The following UQCC1 variants were observed in gnomAD, a reference collection of about 807,000 sequenced individuals.
The protein encoded by UQCC1 is ubiquinol-cytochrome c reductase complex assembly factor 1.
In UQCC1, 38 loss-of-function variants were observed where a neutral mutation model predicts 48.0. The observed-to-expected ratio is 0.79, with a 90% CI of 0.61 to 1.04. UQCC1 has a LOEUF of 1.04. UQCC1 is among the 50% of genes least tolerant of loss of function. The pLI is 0.00. For missense variants in UQCC1, 368 were observed against 381.8 expected (o/e 0.96, Z 0.30); for synonymous variants, 111 against 129.2 (o/e 0.86, Z 0.95).
At chr20:35,341,560 A>AC (rs1421065489) in intron 7 of UQCC1, among the ~76,000 whole-genome samples, 1 of 152,236 alleles carries the variant, frequency 6.6e-6, no homozygotes, top group African/African-American at 2.4e-5. Flanking sequence ...CACTTTGGAG[A>AC]CAGATGTACG....
chr20:35,339,541 C>G (rs1369312338), intron 7 of UQCC1, among the ~76,000 whole-genome samples: 9 of 152,136 alleles, frequency 5.9e-5, no homozygotes, highest in Non-Finnish European at 1.2e-4. Context: ...GAAAGTCTGG[C>G]ATGAGAAGAA....
intron 7 of UQCC1, among the ~76,000 whole-genome samples, chr20:35,339,283 G>T (rs1445804663): frequency 6.6e-6 from 1 of 152,114 alleles, no homozygotes; most frequent in Non-Finnish European, 1.5e-5. Context: ...AGAAATCCAA[G>T]AATCCTTATC....
chr20:35,387,767 T>C (rs1472314802), intron 2 of UQCC1, among the ~76,000 whole-genome samples: 1 of 151,342 alleles, frequency 6.6e-6, no homozygotes, highest in African/African-American at 2.4e-5. Context: ...AAGGGAGAGG[T>C]TGCAATTTGG....
intron 3 of UQCC1, among the ~76,000 whole-genome samples, chr20:35,383,006 C>T (rs1477773193): frequency 6.6e-6 from 1 of 152,048 alleles, no homozygotes; most frequent in Non-Finnish European, 1.5e-5. Flanking sequence ...AAAAGGAAAT[C>T]TTGACCCCCA....
Position 35,374,235 on chromosome 20 carries a change from G to T in UQCC1, c.355C>A (p.Arg119Ser), listed in dbSNP as rs140087496. The change falls in exon 5 of 10, where the codon CGC becomes AGC. Residue 119 changes from arginine (R) to serine (S), a missense_variant. Arg to Ser is a moderately radical substitution (Grantham distance 110). Coordinates refer to ENST00000374385, the MANE Select transcript of UQCC1 (RefSeq NM_018244.5). ...SKWKIKIAALRMYTSCVEKTD... is the reference protein window; with the variant it reads ...SKWKIKIAALSMYTSCVEKTD... ...TTCTCCACACAGCTAGTATACATGC[G>T]CAGGGCCGCAATCTTAATCTTCTAG... 25 of 1,612,028 alleles carry T rather than the reference G, an allele frequency of 1.6e-5. No individual in the cohort carries two copies. The highest frequency in any genetic ancestry group is 2.0e-5 in the Non-Finnish European group (24 of 1,179,178).
chr20:35,302,664 C>T lies in UQCC1; in HGVS notation c.*1271G>A, dbSNP rs974089721. 5.3e-5 allele frequency: 8 copies of T among 152,212 alleles called. No homozygotes were observed. The highest frequency in any genetic ancestry group is 1.2e-4 in the Non-Finnish European group (8 of 68,046). The allele number at this position is 152,212 out of a possible 1,614,324, so 9.4% of individuals were successfully genotyped here. Reference sequence around the variant, plus strand: ...TTAATCAGCAAATTCCTGCCTGGCTCAGCTCTGGTTTATGTAAATAGTGCC... The same window carrying T: ...TTAATCAGCAAATTCCTGCCTGGCTTAGCTCTGGTTTATGTAAATAGTGCC... On this transcript the variant is annotated 3_prime_UTR_variant, in exon 10 of 10. Coordinates refer to ENST00000374385, the MANE Select transcript of UQCC1 (RefSeq NM_018244.5).
At chr20:35,392,146 A>G in intron 2 of UQCC1, 1 of 932,028 alleles carries the variant, frequency 1.1e-6, no homozygotes, top group Non-Finnish European at 1.5e-6. Flanking sequence ...CTATGTGAAA[A>G]CGCAGCTCAC....
chr20:35,328,074 T>C (rs1600881373), intron 7 of UQCC1, among the ~76,000 whole-genome samples: 1 of 152,038 alleles, frequency 6.6e-6, no homozygotes, highest in African/African-American at 2.4e-5. Context: ...ACTCCATCTT[T>C]ATAGGGTAAT....
At chr20:35,351,917 A>C (rs2061493880) in intron 6 of UQCC1, among the ~76,000 whole-genome samples, 1 of 152,240 alleles carries the variant, frequency 6.6e-6, no homozygotes, top group Non-Finnish European at 1.5e-5. Context: ...CTATTGTGTG[A>C]AGGTGTATGG....
intron 4 of UQCC1, 93 bp from the exon 5 acceptor site, chr20:35,374,349 A>C: frequency 1.0e-6 from 1 of 991,532 alleles, no homozygotes; most frequent in Non-Finnish European, 1.5e-6. Flanking sequence ...TATTTCTTCA[A>C]CTAGAAGGAA....
In UQCC1 at chr20:35,340,395, A is replaced by G. The variant is rs1291309083; in HGVS notation, c.573+6769T>C. Among the ~76,000 whole-genome samples, 4 of 152,108 alleles carry G rather than the reference A, an allele frequency of 2.6e-5. No individual in the cohort carries two copies. In the East Asian group the frequency reaches 7.7e-4, roughly 29 times the overall value. ...TCTCTCCCCTAATAACTGACTATCC[A>G]CTCCAACAGCTCAGGCCATTTTAGA... On this transcript the variant is annotated intron_variant, in intron 7 of 9. Transcript: ENST00000374385.
At chr20:35,333,699 G>C (rs184950990) in intron 7 of UQCC1, among the ~76,000 whole-genome samples, 1 of 152,180 alleles carries the variant, frequency 6.6e-6, no homozygotes, top group Non-Finnish European at 1.5e-5. Flanking sequence ...GCGGTGTACA[G>C]AGAAGTACTT....
chr20:35,388,715 A>G lies in UQCC1; in HGVS notation c.130-4582T>C, dbSNP rs369977259. On this transcript the variant is annotated intron_variant, in intron 2 of 9. Coordinates refer to ENST00000374385, the MANE Select transcript of UQCC1 (RefSeq NM_018244.5). ...AAAAGTCTGAGTAGAGTTCAACAACACAGGCTCATGCACACTTAATACCCA... is the reference window on the plus strand; with the variant it reads ...AAAAGTCTGAGTAGAGTTCAACAACGCAGGCTCATGCACACTTAATACCCA... Among the ~76,000 whole-genome samples, 62 of 152,326 alleles carry G rather than the reference A, an allele frequency of 4.1e-4. 1 individual carries two copies. In the East Asian group the frequency reaches 0.012, roughly 29 times the overall value.
intron 7 of UQCC1, among the ~76,000 whole-genome samples, chr20:35,334,212 G>A (rs1036487898): frequency 6.6e-6 from 1 of 152,166 alleles, no homozygotes; most frequent in Non-Finnish European, 1.5e-5. Context: ...CTCAGAAACC[G>A]AGTCTGAAGT....
intron 7 of UQCC1, among the ~76,000 whole-genome samples, chr20:35,333,911 G>C (rs2061286250): frequency 6.6e-6 from 1 of 151,738 alleles, no homozygotes; most frequent in African/African-American, 2.4e-5. Flanking sequence ...TAAAAGTGAA[G>C]AGAGCAGTGA....
At chr20:35,382,112 T>G (rs902468401) in intron 3 of UQCC1, 87 bp from the exon 4 acceptor site, 1 of 786,198 alleles carries the variant, frequency 1.3e-6, no homozygotes, top group South Asian at 1.7e-5. Flanking sequence ...TGAGAGCATT[T>G]TTTTTTTAAA....
At chr20:35,347,301 T>C (rs975895745) in intron 6 of UQCC1, 29 bp from the exon 7 acceptor site, 7 of 1,611,268 alleles carry the variant, frequency 4.3e-6, no homozygotes, top group Non-Finnish European at 5.9e-6. Context: ...AAAAAAGTCT[T>C]GGCTGTTTGC....
In UQCC1 at chr20:35,370,541, A is replaced by T. The variant is rs138883262; in HGVS notation, c.406+3643T>A. Among the ~76,000 whole-genome samples the T allele has an allele frequency of 2.6e-3, 393 of 152,330 alleles. 1 individual carries two copies. The highest frequency in any genetic ancestry group is 9.1e-3 in the African/African-American group (379 of 41,572). On this transcript the variant is annotated intron_variant, in intron 5 of 9. Transcript: ENST00000374385. ...TGAAAACTTAATCTACCCACAAATG[A>T]CAAAGATGGGCCACAACAGAATGTA...
At chr20:35,305,098 C>A (rs932765658) in intron 9 of UQCC1, among the ~76,000 whole-genome samples, 1 of 152,242 alleles carries the variant, frequency 6.6e-6, no homozygotes, top group Non-Finnish European at 1.5e-5. Context: ...CAGCACTCTG[C>A]CCTCCCTGTA....
Sources: allele counts gnomAD v4.1 joint callset (sites outside exome capture counted in the v4.1 genomes callset), GRCh38; gene constraint gnomAD v4.1.1; transcripts MANE v1.5; gene names NCBI Gene and HGNC (gene_info 2026-07-23, HGNC 2026-07-21).